The following UHRF2 variants were observed in gnomAD, a reference collection of about 807,000 sequenced individuals.
UHRF2 encodes the protein E3 ubiquitin-protein ligase UHRF2.
A neutral mutation model predicts 96.8 loss-of-function variants in UHRF2; 23 were observed. The observed-to-expected ratio is 0.24, with a 90% CI of 0.17 to 0.34. The LOEUF is 0.34. Ranked by LOEUF, UHRF2 falls within the 10% of genes least tolerant of loss-of-function variation. UHRF2 has a pLI of 1.00. For missense variants in UHRF2, 685 were observed against 981.5 expected (o/e 0.70, Z 4.04); for synonymous variants, 385 against 332.6 (o/e 1.16, Z -1.72).
chr9:6,443,029 G>T (rs978450613), intron 3 of UHRF2, among the ~76,000 whole-genome samples: 8 of 152,186 alleles, frequency 5.3e-5, no homozygotes, highest in South Asian at 2.1e-4. Context: ...ATAACTTTTA[G>T]CTGATTTCTA....
chr9:6,432,939 C>A (rs979736563), intron 2 of UHRF2, among the ~76,000 whole-genome samples: 1 of 151,986 alleles, frequency 6.6e-6, no homozygotes, highest in African/African-American at 2.4e-5. Context: ...CTCCCGGGTT[C>A]AAGTGATTCT....
chr9:6,468,285 TTG>T, intron 4 of UHRF2: 3 of 360,604 alleles, frequency 8.3e-6, no homozygotes, highest in Non-Finnish European at 1.6e-5. Context: ...AAAAGTGGCT[TTG>T]GCCTTGAATT....
intron 2 of UHRF2, among the ~76,000 whole-genome samples, chr9:6,425,308 C>G (rs1820188523): frequency 6.6e-6 from 1 of 152,186 alleles, no homozygotes; most frequent in Non-Finnish European, 1.5e-5. Flanking sequence ...GGCTATGTCC[C>G]TTTGACATAC....
intron 4 of UHRF2, among the ~76,000 whole-genome samples, chr9:6,467,178 C>T (rs565044613): frequency 5.9e-4 from 90 of 152,122 alleles, no homozygotes; most frequent in Non-Finnish European, 1.1e-3. Flanking sequence ...AAGGGAGAAC[C>T]CATTTTCTTG....
chr9:6,451,886 G>C (rs1821892262), intron 3 of UHRF2, among the ~76,000 whole-genome samples: 2 of 151,880 alleles, frequency 1.3e-5, no homozygotes, highest in Admixed American at 6.6e-5. Flanking sequence ...CTGGGTTCAA[G>C]CGATTCTCCT....
At chr9:6,487,000 A>G in intron 9 of UHRF2, 75 bp downstream of exon 9, 1 of 1,337,744 alleles carries the variant, frequency 7.5e-7, no homozygotes, top group Admixed American at 1.9e-5. Context: ...TGCCTAGGAT[A>G]CATCAAATAC....
chr9:6,500,842 C>A, intron 14 of UHRF2, 133 bp downstream of exon 14: 1 of 780,514 alleles, frequency 1.3e-6, no homozygotes, highest in South Asian at 2.2e-5. Context: ...AGTGCCACTA[C>A]CTTTCAGAAA....
At chr9:6,480,471 A>G (rs1195719679) in intron 6 of UHRF2, among the ~76,000 whole-genome samples, 1 of 152,260 alleles carries the variant, frequency 6.6e-6, no homozygotes, top group Admixed American at 6.5e-5. Context: ...TGGTATAATT[A>G]GAAGAGTGTT....
intron 12 of UHRF2, 167 bp from the exon 13 acceptor site, chr9:6,499,668 G>T: frequency 2.2e-6 from 1 of 451,156 alleles, no homozygotes; most frequent in Non-Finnish European, 4.1e-6. Context: ...ATAGTTGTCT[G>T]TGCTTTGAAT....
intron 15 of UHRF2, among the ~76,000 whole-genome samples, chr9:6,505,150 G>T (rs903619916): frequency 1.3e-5 from 2 of 152,150 alleles, no homozygotes; most frequent in African/African-American, 4.8e-5. Context: ...CTACCCAGTG[G>T]TGATTATGTG....
chr9:6,437,451 T>C lies in UHRF2; in HGVS notation c.644+3278T>C, dbSNP rs541051370. On this transcript the variant is annotated intron_variant, in intron 3 of 15. Transcript: ENST00000276893. ...TTTCACCGTGTTGGTCAGGCTGGTC[T>C]TGAACTCTGGACCTCAGGTGATCCA... Among the ~76,000 whole-genome samples, 121 of 152,268 alleles carry C rather than the reference T, an allele frequency of 7.9e-4. 1 individual carries two copies. The highest frequency in any genetic ancestry group is 2.8e-3 in the African/African-American group (117 of 41,562).
At chr9:6,483,451 C>T (rs1211099293) in intron 8 of UHRF2, among the ~76,000 whole-genome samples, 1 of 151,474 alleles carries the variant, frequency 6.6e-6, no homozygotes. Context: ...AGTGTAAATG[C>T]TATGTAAATA....
At chr9:6,417,363 T>G (rs1052280459) in intron 1 of UHRF2, among the ~76,000 whole-genome samples, 2 of 152,240 alleles carry the variant, frequency 1.3e-5, no homozygotes, top group African/African-American at 4.8e-5. Context: ...CATTTGCTTT[T>G]GAGACATTGA....
chr9:6,487,278 C>T lies in UHRF2; in HGVS notation c.1497+353C>T, dbSNP rs146353135. 9.1e-4 allele frequency among the ~76,000 whole-genome samples: 130 copies of T among 143,022 alleles called. 1 individual carries two copies. The Middle Eastern group carries it at 0.033, about 36-fold the overall frequency. 93.8% of individuals were successfully genotyped at this position (143,022 alleles called of 152,430 possible). A position where few individuals can be genotyped will look rare whatever the true frequency, so the allele number is the denominator to read the frequency against. ...GATCTCAGCTCCCTGCAACCTCTGC[C>T]TTTGGGTTCAAGTGATTTTCCTGCC... On this transcript the variant is annotated intron_variant, in intron 9 of 15. Coordinates refer to ENST00000276893, the MANE Select transcript of UHRF2 (RefSeq NM_152896.3).
At chr9:6,419,734 A>G (rs1819817095) in intron 1 of UHRF2, among the ~76,000 whole-genome samples, 1 of 151,722 alleles carries the variant, frequency 6.6e-6, no homozygotes. Flanking sequence ...ACATTTTGGG[A>G]TTTATTTATT....
Position 6,499,855 on chromosome 9 carries a change from A to G in UHRF2, c.1929A>G (p.Ser643=). 1.3e-6 allele frequency: 2 copies of G among 1,563,076 alleles called. No individual in the cohort carries two copies. The highest frequency in any genetic ancestry group is 1.7e-6 in the Non-Finnish European group (2 of 1,149,502). ...ATCAGTATCCAGCAGGTTACCCTTCAGATAAAGAAGGGAAGAAGCCTAAAG... is the reference window on the plus strand; with the variant it reads ...ATCAGTATCCAGCAGGTTACCCTTCGGATAAAGAAGGGAAGAAGCCTAAAG... The part of the protein sequence containing the change: ...LRLQYPAGYP[S]DKEGKKPKGQ... The change falls in exon 13 of 16, where the codon TCA becomes TCG. Residue 643 remains serine (S), a synonymous_variant. Transcript: ENST00000276893.
chr9:6,466,819 C>G (rs1197920260), intron 4 of UHRF2, among the ~76,000 whole-genome samples: 1 of 152,180 alleles, frequency 6.6e-6, no homozygotes, highest in Non-Finnish European at 1.5e-5. Context: ...ACTTGATGTT[C>G]CCTCCTACAC....
chr9:6,462,814 G>A (rs1388114444), intron 4 of UHRF2, among the ~76,000 whole-genome samples: 5 of 152,146 alleles, frequency 3.3e-5, no homozygotes, highest in African/African-American at 7.2e-5. Context: ...CTACATGGGT[G>A]GCTGAGGCAG....
intron 3 of UHRF2, among the ~76,000 whole-genome samples, chr9:6,451,152 C>G (rs1325811532): frequency 2.0e-5 from 3 of 152,128 alleles, no homozygotes; most frequent in Non-Finnish European, 4.4e-5. Context: ...TTTCATATTG[C>G]AAACAATAGG....
Sources: gnomAD v4.1 joint callset for allele counts (sites outside exome capture counted in the v4.1 genomes callset) on GRCh38, gnomAD v4.1.1 for gene constraint, MANE v1.5 for transcripts, NCBI Gene and HGNC (gene_info 2026-07-23, HGNC 2026-07-21) for gene names.